Variants in DSCAM observed in about 807,000 individuals in gnomAD.
DSCAM encodes the protein cell adhesion molecule DSCAM.
A neutral mutation model predicts 217.7 loss-of-function variants in DSCAM; 47 were observed. The observed-to-expected ratio is 0.22, with a 90% CI of 0.17 to 0.28. DSCAM has a LOEUF of 0.28. Ranked by LOEUF, DSCAM falls within the 10% of genes least tolerant of loss-of-function variation. DSCAM has a pLI of 1.00. For synonymous variants in DSCAM, 1,056 were observed against 1,015.3 expected (o/e 1.04, Z -0.76); for missense variants, 2,080 against 2,618.3 (o/e 0.79, Z 4.49).
chr21:40,345,070 A>AT (rs568083551), intron 6 of DSCAM, among the ~76,000 whole-genome samples: 178 of 151,600 alleles, frequency 1.2e-3, no homozygotes, highest in African/African-American at 4.1e-3. Context: ...AAATATGGTG[A>AT]TTTTTTTTCA....
chr21:40,395,046 T>C (rs1303577986), intron 3 of DSCAM, among the ~76,000 whole-genome samples: 2 of 152,218 alleles, frequency 1.3e-5, no homozygotes, highest in African/African-American at 4.8e-5. Context: ...GATACAAATA[T>C]ACTGTGTTCA....
chr21:40,730,724 GC>G (rs1174228160), intron 1 of DSCAM, among the ~76,000 whole-genome samples: 1 of 152,270 alleles, frequency 6.6e-6, no homozygotes, highest in African/African-American at 2.4e-5. Flanking sequence ...GGGGGTGGGA[GC>G]AAGACCCCGG....
At chr21:40,485,204 T>C (rs1250670704) in intron 3 of DSCAM, among the ~76,000 whole-genome samples, 1 of 150,328 alleles carries the variant, frequency 6.7e-6, no homozygotes, top group African/African-American at 2.4e-5. Context: ...AGTCAGCCAC[T>C]CTACATATTT....
intron 3 of DSCAM, among the ~76,000 whole-genome samples, chr21:40,375,884 A>C (rs1047474066): frequency 6.6e-6 from 1 of 152,130 alleles, no homozygotes; most frequent in African/African-American, 2.4e-5. Flanking sequence ...GCATAAAAAG[A>C]GTTTGTTCTC....
chr21:40,272,705 T>A (rs1334912166), intron 11 of DSCAM, among the ~76,000 whole-genome samples: 1 of 152,150 alleles, frequency 6.6e-6, no homozygotes, highest in African/African-American at 2.4e-5. Context: ...CCAGACTTGC[T>A]GCAGGAGCAG....
intron 3 of DSCAM, among the ~76,000 whole-genome samples, chr21:40,640,287 T>C (rs1260801424): frequency 6.6e-6 from 1 of 150,774 alleles, no homozygotes; most frequent in Non-Finnish European, 1.5e-5. Context: ...CCTGACTTTC[T>C]CCCCAGCGGA....
At chr21:40,386,194 G>A (rs1217295390) in intron 3 of DSCAM, among the ~76,000 whole-genome samples, 1 of 152,194 alleles carries the variant, frequency 6.6e-6, no homozygotes, top group East Asian at 1.9e-4. Flanking sequence ...TAAATGGAAT[G>A]AAGCACTTGA....
chr21:40,781,243 C>T (rs1169193096), intron 1 of DSCAM, among the ~76,000 whole-genome samples: 2 of 152,150 alleles, frequency 1.3e-5, no homozygotes, highest in Admixed American at 6.5e-5. Flanking sequence ...TGGTCTCAAA[C>T]TCCTGGCCTC....
At chr21:40,492,710 GAAGA>G (rs2076086104) in intron 3 of DSCAM, among the ~76,000 whole-genome samples, 1 of 151,268 alleles carries the variant, frequency 6.6e-6, no homozygotes, top group Non-Finnish European at 1.5e-5. Flanking sequence ...GAGAAAATTT[GAAGA>G]AAGTATACAT....
chr21:40,148,133 T>C (rs2090380727), intron 16 of DSCAM, among the ~76,000 whole-genome samples: 1 of 152,234 alleles, frequency 6.6e-6, no homozygotes, highest in African/African-American at 2.4e-5. Flanking sequence ...TATTCCAATT[T>C]TGAAATGAAA....
intron 1 of DSCAM, among the ~76,000 whole-genome samples, chr21:40,834,431 AT>A (rs1569060366): frequency 1.2e-4 from 7 of 58,136 alleles, no homozygotes; most frequent in African/African-American, 2.7e-4. Context: ...TAATAAAATA[AT>A]AATAATAATA....
intron 16 of DSCAM, among the ~76,000 whole-genome samples, chr21:40,145,258 G>A (rs2090341104): frequency 1.3e-5 from 2 of 152,156 alleles, no homozygotes; most frequent in Non-Finnish European, 2.9e-5. Flanking sequence ...GGAAATGTAA[G>A]AAGACAAAAG....
At chr21:40,716,489 T>C (rs547392945) in intron 1 of DSCAM, among the ~76,000 whole-genome samples, 2 of 152,166 alleles carry the variant, frequency 1.3e-5, no homozygotes, top group Non-Finnish European at 2.9e-5. Context: ...TTGAAAATCC[T>C]GGGGTACCAA....
chr21:40,175,527 C>G (rs78666212), intron 15 of DSCAM, among the ~76,000 whole-genome samples: 5,762 of 152,104 alleles, frequency 0.038, 284 homozygotes, highest in East Asian at 0.19. Flanking sequence ...ATAGTGCCTT[C>G]TTCCCATGTC....
rs556759296 is a variant in DSCAM at position 40,317,619 on chromosome 21, T to G, written c.1784-5260A>C. On this transcript the variant is annotated intron_variant, in intron 8 of 32. Coordinates refer to ENST00000400454, the MANE Select transcript of DSCAM (RefSeq NM_001389.5). ...ATCTCGCCTCACTGCAACCTCCACC[T>G]CCCGGGCTCAAGTGATTCTCCTGCC... Among the ~76,000 whole-genome samples the G allele has an allele frequency of 1.3e-4, 20 of 152,248 alleles. No individual in the cohort carries two copies. In the South Asian group the frequency reaches 4.2e-3, roughly 32 times the overall value.
intron 10 of DSCAM, among the ~76,000 whole-genome samples, chr21:40,295,720 G>C (rs1330802635): frequency 6.6e-6 from 1 of 152,186 alleles, no homozygotes; most frequent in Non-Finnish European, 1.5e-5. Context: ...ATCTCTTCAT[G>C]TACGAGTGTG....
At chr21:40,348,623 A>G (rs2074593132) in intron 5 of DSCAM, among the ~76,000 whole-genome samples, 1 of 152,150 alleles carries the variant, frequency 6.6e-6, no homozygotes, top group Non-Finnish European at 1.5e-5. Context: ...CAACCACATT[A>G]TTGCAATCAT....
At chr21:40,301,770 A>G (rs1308035903) in intron 9 of DSCAM, among the ~76,000 whole-genome samples, 1 of 152,230 alleles carries the variant, frequency 6.6e-6, no homozygotes, top group Non-Finnish European at 1.5e-5. Context: ...AGGACACATG[A>G]ATCAATGAAT....
At chr21:40,340,359 G>A (rs1462573684) in intron 6 of DSCAM, among the ~76,000 whole-genome samples, 1 of 151,874 alleles carries the variant, frequency 6.6e-6, no homozygotes, top group Non-Finnish European at 1.5e-5. Context: ...TCATCCATAT[G>A]GTTTTTTCTC....
Sources: gnomAD v4.1 joint callset for allele counts (sites outside exome capture counted in the v4.1 genomes callset) on GRCh38, gnomAD v4.1.1 for gene constraint, MANE v1.5 for transcripts, NCBI Gene and HGNC (gene_info 2026-07-23, HGNC 2026-07-21) for gene names.